The following SHLD2 variants were observed in gnomAD, a reference collection of about 807,000 sequenced individuals.
The protein encoded by SHLD2 is RINN1-REV7-interacting novel NHEJ regulator 2.
Under a neutral mutation model 73.2 loss-of-function variants are expected in SHLD2, and 30 were observed. That is an observed-to-expected ratio of 0.41 (90% CI 0.31 to 0.56). The LOEUF (loss-of-function observed/expected upper bound fraction) is 0.56. SHLD2 is among the 20% of genes least tolerant of loss of function. The pLI is 0.28. For synonymous variants in SHLD2, 285 were observed against 370.1 expected (o/e 0.77, Z 2.64); for missense variants, 745 against 1,055.9 (o/e 0.71, Z 4.08).
At chr10:87,168,204 G>A (rs1471851577) in intron 4 of SHLD2, among the ~76,000 whole-genome samples, 1 of 152,026 alleles carries the variant, frequency 6.6e-6, no homozygotes, top group South Asian at 2.1e-4. Context: ...ACTATTCACA[G>A]TAGCAAAGTC....
intron 2 of SHLD2, among the ~76,000 whole-genome samples, chr10:87,133,170 GA>G (rs1184861028): frequency 1.3e-5 from 2 of 151,766 alleles, no homozygotes; most frequent in African/African-American, 4.8e-5. Flanking sequence ...TCTAGCAATG[GA>G]AAAAAAATAA....
intron 2 of SHLD2, among the ~76,000 whole-genome samples, chr10:87,109,993 A>G (rs1842823118): frequency 6.6e-6 from 1 of 152,212 alleles, no homozygotes; most frequent in South Asian, 2.1e-4. Context: ...ATTCTGTATC[A>G]ATATTAAATC....
chr10:87,128,066 AT>A (rs1432717612), intron 2 of SHLD2, among the ~76,000 whole-genome samples: 2 of 151,784 alleles, frequency 1.3e-5, no homozygotes, highest in African/African-American at 2.4e-5. Context: ...TTTAACCTTA[AT>A]TTTTTTTCCC....
intron 2 of SHLD2, among the ~76,000 whole-genome samples, chr10:87,105,496 TAG>T (rs1842538886): frequency 6.6e-6 from 1 of 152,126 alleles, no homozygotes; most frequent in Non-Finnish European, 1.5e-5. Context: ...AGTAAGAAGA[TAG>T]AGATTCCTTA....
chr10:87,128,400 GA>G (rs1158410243), intron 2 of SHLD2, among the ~76,000 whole-genome samples: 3 of 152,060 alleles, frequency 2.0e-5, no homozygotes, highest in African/African-American at 7.2e-5. Context: ...TCATCATCTT[GA>G]AGAAGCCTTT....
intron 7 of SHLD2, 120 bp downstream of exon 7, chr10:87,176,215 A>G: frequency 1.5e-6 from 2 of 1,294,166 alleles, no homozygotes; most frequent in Non-Finnish European, 2.1e-6. Context: ...TCCACCTCCC[A>G]GGTTTAAGTG....
At chr10:87,115,073 CAG>C (rs990367530) in intron 2 of SHLD2, among the ~76,000 whole-genome samples, 2 of 152,044 alleles carry the variant, frequency 1.3e-5, no homozygotes, top group Non-Finnish European at 2.9e-5. Context: ...TATTTTGAGA[CAG>C]AGTCGTGCTC....
rs1458605923 is a variant in SHLD2 at position 87,151,965 on chromosome 10, A to G, written c.611A>G (p.His204Arg). 1.9e-6 allele frequency: 3 copies of G among 1,611,824 alleles called. No individual in the cohort carries two copies. The highest frequency in any genetic ancestry group is 1.7e-5 in the Admixed American group (1 of 59,986). ...AGAGAGTGTGTGCCAACAGAATATC[A>G]TGAAATACAAAACCAGTGTTTGGGA... is the stretch of plus-strand genomic sequence containing the variant. ...VQRECVPTEY[H>R]EIQNQCLGLF... Residue 204 changes from histidine to arginine, a missense_variant, in exon 3 of 10, where the codon CAT (histidine) becomes CGT (arginine). His to Arg is a conservative substitution (Grantham distance 29). Transcript: ENST00000298786.
intron 3 of SHLD2, among the ~76,000 whole-genome samples, chr10:87,157,502 GCT>G (rs1370059125): frequency 1.3e-5 from 2 of 152,078 alleles, no homozygotes; most frequent in East Asian, 3.9e-4. Context: ...TAGATATACA[GCT>G]CTCTCTTTCC....
rs544168021 is a variant in SHLD2 at position 87,180,193 on chromosome 10, C to T, written c.2289C>T (p.Ile763=). The change falls in exon 8 of 10, where the codon ATC becomes ATT. Residue 763 remains isoleucine, a synonymous_variant. Transcript: ENST00000298786. The part of the protein sequence containing the change: ...LKSIFSSLPN[I]VYTGCAKCGL... The stretch of plus-strand genomic sequence containing the variant: ...GTATTTTTTCTTCTCTTCCCAACAT[C>T]GTATATACTGGTTGTGCAAAATGTG... 8.6e-5 allele frequency: 139 copies of T among 1,613,044 alleles called. No homozygotes were observed. Among genetic ancestry groups the T allele is most frequent in the Admixed American group, 1.0e-4 (6 of 60,008 alleles).
intron 2 of SHLD2, among the ~76,000 whole-genome samples, chr10:87,099,213 C>T (rs1285594040): frequency 6.6e-6 from 1 of 152,124 alleles, no homozygotes; most frequent in Non-Finnish European, 1.5e-5. Flanking sequence ...TTTAAAATTC[C>T]AGGTCTGTTT....
chr10:87,130,819 C>G (rs1844374007), intron 2 of SHLD2, among the ~76,000 whole-genome samples: 1 of 152,042 alleles, frequency 6.6e-6, no homozygotes, highest in African/African-American at 2.4e-5. Flanking sequence ...GCCTGTAATC[C>G]CAGAATTTTG....
intron 2 of SHLD2, among the ~76,000 whole-genome samples, chr10:87,116,741 A>G (rs549192629): frequency 2.6e-5 from 4 of 152,226 alleles, no homozygotes; most frequent in Admixed American, 2.0e-4. Context: ...CGGCTGTGGT[A>G]TATATATTTG....
In SHLD2 at chr10:87,180,142, G is replaced by A. The variant is rs375952368; in HGVS notation, c.2238G>A (p.Ala746=). 9.9e-6 allele frequency: 16 copies of A among 1,613,700 alleles called. No individual in the cohort carries two copies. In the African/African-American group the frequency reaches 1.3e-4, roughly 13 times the overall value. The change falls in exon 8 of 10, where the codon GCG becomes GCA. Residue 746 remains alanine (A), a synonymous_variant. Coordinates refer to ENST00000298786, the MANE Select transcript of SHLD2 (RefSeq NM_001330112.2). ...CTATTACAGCATCTCAGAAGATAGC[G>A]CTAAATGCTCACAGTTCTCTGAAGA... ...AFPITASQKI[A]LNAHSSLKSI... is the part of the protein sequence containing the mutation.
At chr10:87,120,879 T>C (rs1843571353) in intron 2 of SHLD2, among the ~76,000 whole-genome samples, 2 of 151,824 alleles carry the variant, frequency 1.3e-5, no homozygotes, top group South Asian at 4.2e-4. Context: ...GGAGAAACCC[T>C]GTCTCTACTA....
In SHLD2 at chr10:87,190,809, C is replaced by T. The variant is rs1849021745; in HGVS notation, c.*126C>T. 5.4e-6 allele frequency: 4 copies of T among 736,926 alleles called. No homozygotes were observed. The South Asian group carries it at 5.6e-5, about 10-fold the overall frequency. The allele number at this position is 736,926 out of a possible 1,614,324, so 45.6% of individuals were successfully genotyped here. Reference sequence around the variant, plus strand: ...GAAATATATTTTACAAAGAGAATTGCACTAGATATATAAATTAAAACTTTT... The same window carrying T: ...GAAATATATTTTACAAAGAGAATTGTACTAGATATATAAATTAAAACTTTT... On this transcript the variant is annotated 3_prime_UTR_variant, in exon 10 of 10. Coordinates refer to ENST00000298786, the MANE Select transcript of SHLD2 (RefSeq NM_001330112.2).
At chr10:87,172,536 T>A (rs1443697813) in intron 6 of SHLD2, among the ~76,000 whole-genome samples, 2 of 152,124 alleles carry the variant, frequency 1.3e-5, no homozygotes, top group Non-Finnish European at 2.9e-5. Context: ...TGTAATGTAT[T>A]ATTTAGTTTA....
chr10:87,158,965 G>A (rs1846626326), intron 4 of SHLD2, among the ~76,000 whole-genome samples: 1 of 152,056 alleles, frequency 6.6e-6, no homozygotes, highest in South Asian at 2.1e-4. Flanking sequence ...AAGATTAAGT[G>A]AGAAAATGAA....
At position 87,139,975 on chromosome 10, in the gene SHLD2, C is replaced by T. The variant is rs141836549; in HGVS notation, c.-5-11375C>T. Among the ~76,000 whole-genome samples the T allele has an allele frequency of 3.8e-3, 584 of 152,220 alleles. 2 individuals are homozygous for T. The highest frequency in any genetic ancestry group is 0.013 in the African/African-American group (520 of 41,530). ...AAATGTGAAGGTATAGCAGTAGAAC[C>T]TATTCACATTGAAGCACAAAGAGAA... On this transcript the variant is annotated intron_variant, in intron 2 of 9. Coordinates refer to ENST00000298786, the MANE Select transcript of SHLD2 (RefSeq NM_001330112.2).
Sources: gnomAD v4.1 joint callset for allele counts (sites outside exome capture counted in the v4.1 genomes callset) on GRCh38, gnomAD v4.1.1 for gene constraint, MANE v1.5 for transcripts, NCBI Gene and HGNC (gene_info 2026-07-23, HGNC 2026-07-21) for gene names.